The following EIF1AY variants were observed in gnomAD, a reference collection of about 807,000 sequenced individuals.
The protein encoded by EIF1AY is eukaryotic translation initiation factor 1A, Y-chromosomal.
For synonymous variants in EIF1AY, 16 were observed against 9.9 expected, an observed-to-expected ratio of 1.62 and a Z score of -1.16; for missense variants, 19 against 30.6, an observed-to-expected ratio of 0.62 and a Z score of 0.89.
At chrY:20,584,225 A>G (rs1603578955) in intron 3 of EIF1AY, among the ~76,000 whole-genome samples, 1 of 29,417 alleles carries the variant, frequency 3.4e-5, no homozygotes, top group Non-Finnish European at 8.1e-5. Flanking sequence ...TTTTTTTTTT[A>G]ACTGTTTGTA....
intron 6 of EIF1AY, among the ~76,000 whole-genome samples, chrY:20,590,361 C>T: frequency 6.2e-5 from 2 of 32,185 alleles, no homozygotes; most frequent in African/African-American, 1.2e-4. Context: ...TAAAGTCCAG[C>T]GGGCGTGGTG....
intron 6 of EIF1AY, among the ~76,000 whole-genome samples, chrY:20,591,823 G>T (rs915848392): frequency 1.5e-4 from 5 of 33,115 alleles, no homozygotes; most frequent in African/African-American, 1.2e-4. Context: ...TCAGGGAGTG[G>T]GGGGGAGTAT....
At position 20,592,369 on chromosome Y, in the gene EIF1AY, G is replaced by T. The variant is rs760879760; in HGVS notation, c.*23G>T. On this transcript the variant is annotated 3_prime_UTR_variant, in exon 7 of 7. Coordinates refer to ENST00000361365, the MANE Select transcript of EIF1AY (RefSeq NM_004681.4). ...TAAATTGAACCAAGTGTTTTTACATGACAAGTTCTCTGAGGATGGTTCTAC... is the reference window on the plus strand; with the variant it reads ...TAAATTGAACCAAGTGTTTTTACATTACAAGTTCTCTGAGGATGGTTCTAC... 1 of 370,658 alleles carries T rather than the reference G, an allele frequency of 2.7e-6. No individual in the cohort carries two copies. Among genetic ancestry groups the T allele is most frequent in the Non-Finnish European group, 3.8e-6 (1 of 265,147 alleles). The allele number at this position is 370,658 out of a possible 400,897, so 92.5% of individuals were successfully genotyped here.
chrY:20,578,861 A>G, intron 1 of EIF1AY, among the ~76,000 whole-genome samples: 2 of 33,653 alleles, frequency 5.9e-5, no homozygotes, highest in Non-Finnish European at 1.5e-4. Context: ...CAGTCCCTTG[A>G]TAATTCAATA....
chrY:20,586,598 T>C lies in EIF1AY; in HGVS notation c.256-1426T>C, dbSNP rs1603578971. ...CTTAAAAGCCCACACTGCTTTTTCT[T>C]AGTAAGGTTCACCTATTTTTCGTGA... is the stretch of plus-strand genomic sequence containing the variant. On this transcript the variant is annotated intron_variant, in intron 4 of 6. Transcript: ENST00000361365. The C allele has an allele frequency of 3.6e-4, 12 of 33,523 alleles. No homozygotes were observed. In the East Asian group the frequency reaches 9.5e-3, roughly 26 times the overall value. The allele number at this position is 33,523 out of a possible 400,897, so 8.4% of individuals were successfully genotyped here. A position where few individuals can be genotyped will look rare whatever the true frequency, so the allele number is the denominator to read the frequency against.
chrY:20,580,964 A>G, intron 2 of EIF1AY, among the ~76,000 whole-genome samples: 1 of 33,832 alleles, frequency 3.0e-5, no homozygotes, highest in Non-Finnish European at 7.3e-5. Context: ...GGTAATCTAT[A>G]TTCAAATTTC....
intron 6 of EIF1AY, among the ~76,000 whole-genome samples, chrY:20,590,087 GGAGAGA>G (rs1171241721): frequency 3.5e-5 from 1 of 28,195 alleles, no homozygotes; most frequent in Non-Finnish European, 8.6e-5. Flanking sequence ...AGGGAGAGGG[GGAGAGA>G]GAGAGAGAGA....
At chrY:20,590,111 A>T (rs773640037) in intron 6 of EIF1AY, among the ~76,000 whole-genome samples, 6 of 26,860 alleles carry the variant, frequency 2.2e-4, no homozygotes, top group East Asian at 1.0e-3. Context: ...AGAGAGAGAG[A>T]GTGTGTGTGT....
intron 3 of EIF1AY, among the ~76,000 whole-genome samples, chrY:20,583,295 A>T: frequency 0.25 from 2 of 8 alleles, no homozygotes; most frequent in African/African-American, 0.33. Context: ...GAGGAGGCTG[A>T]GCCAGGAGTT....
chrY:20,578,270 G>T (rs1603578926), intron 1 of EIF1AY, among the ~76,000 whole-genome samples: 1 of 33,132 alleles, frequency 3.0e-5, no homozygotes, highest in South Asian at 6.6e-4. Flanking sequence ...AAAAATCTTA[G>T]AAACCCATCC....
At chrY:20,576,465 TTCA>T (rs2089346882) in intron 1 of EIF1AY, among the ~76,000 whole-genome samples, 4 of 33,674 alleles carry the variant, frequency 1.2e-4, no homozygotes, top group Non-Finnish European at 2.9e-4. Flanking sequence ...CAACGTTCCC[TTCA>T]TTCTGAGGCT....
intron 6 of EIF1AY, among the ~76,000 whole-genome samples, chrY:20,590,236 T>G (rs948712139): frequency 4.8e-4 from 15 of 31,526 alleles, no homozygotes; most frequent in African/African-American, 1.9e-3. Flanking sequence ...AGGAACCACC[T>G]GTATATACAC....
rs748989034 is a variant in EIF1AY at position 20,577,684 on chromosome Y, A to G, written c.16+1797A>G. ...CTCTACTAAAAATACAAAAAAAATT[A>G]GCCGGCCGTGGGGAGGCTGAGGCAG... is the stretch of plus-strand genomic sequence containing the variant. On this transcript the variant is annotated intron_variant, in intron 1 of 6. Transcript: ENST00000361365. Among the ~76,000 whole-genome samples, 8 of 29,644 alleles carry G rather than the reference A, an allele frequency of 2.7e-4. No individual in the cohort carries two copies. In the South Asian group the frequency reaches 6.3e-3, roughly 23 times the overall value. The allele number at this position is 29,644 out of a possible 37,273, so 79.5% of individuals were successfully genotyped here. A position where few individuals can be genotyped will look rare whatever the true frequency, so the allele number is the denominator to read the frequency against.
chrY:20,582,202 C>A, intron 2 of EIF1AY, among the ~76,000 whole-genome samples: 1 of 32,762 alleles, frequency 3.1e-5, no homozygotes, highest in Non-Finnish European at 7.5e-5. Flanking sequence ...AGGTAAATTT[C>A]TTTTTTTGTT....
chrY:20,576,555 A>G (rs917828726), intron 1 of EIF1AY, among the ~76,000 whole-genome samples: 1 of 33,936 alleles, frequency 2.9e-5, no homozygotes, highest in South Asian at 6.5e-4. Flanking sequence ...CCTCGGTAGA[A>G]CCCTTTCTCA....
intron 5 of EIF1AY, chrY:20,588,876 G>T: frequency 5.9e-5 from 2 of 33,745 alleles, no homozygotes; most frequent in Non-Finnish European, 1.5e-4. Context: ...TTCATTACTT[G>T]GGGATAAGCA....
chrY:20,582,220 T>C (rs2124356964), intron 2 of EIF1AY, among the ~76,000 whole-genome samples: 2 of 33,022 alleles, frequency 6.1e-5, no homozygotes, highest in Non-Finnish European at 1.5e-4. Context: ...GTTGTTGTTA[T>C]TGTTGTTGTT....
At chrY:20,575,927 C>T in intron 1 of EIF1AY, 40 bp downstream of exon 1, 1 of 366,007 alleles carries the variant, frequency 2.7e-6, no homozygotes, top group East Asian at 1.0e-4. Flanking sequence ...TCGGCTTGCT[C>T]TGCCAGTAAC....
intron 1 of EIF1AY, 112 bp from the exon 2 acceptor site, chrY:20,579,496 C>T: frequency 7.3e-6 from 1 of 136,174 alleles, no homozygotes; most frequent in Non-Finnish European, 1.4e-5. Flanking sequence ...AATTTTCCTG[C>T]AAGTGGTTTC....
Sources: gnomAD v4.1 joint callset for allele counts (sites outside exome capture counted in the v4.1 genomes callset) on GRCh38, gnomAD v4.1.1 for gene constraint, MANE v1.5 for transcripts, NCBI Gene and HGNC (gene_info 2026-07-23, HGNC 2026-07-21) for gene names.